SEMA5A: variants seen among roughly 807,000 people sequenced by gnomAD.
SEMA5A encodes semaphorin-5A.
A neutral mutation model predicts 135.5 loss-of-function variants in SEMA5A; 55 were observed. The observed-to-expected ratio is 0.41, with a 90% CI of 0.33 to 0.51. The LOEUF (loss-of-function observed/expected upper bound fraction) is 0.51, where lower values mean the gene tolerates loss of function less well. Ranked by LOEUF, SEMA5A falls within the 20% of genes least tolerant of loss-of-function variation. The pLI is 0.37. For synonymous variants in SEMA5A, 580 were observed against 546.5 expected, an observed-to-expected ratio of 1.06 and a Z score of -0.85; for missense variants, 1,290 against 1,419.9, an observed-to-expected ratio of 0.91 and a Z score of 1.47.
chr5:9,102,074 T>C (rs1358694105), intron 16 of SEMA5A, among the ~76,000 whole-genome samples: 4 of 152,310 alleles, frequency 2.6e-5, no homozygotes, highest in Non-Finnish European at 5.9e-5. Context: ...GGCAGGACTA[T>C]GAATCTCTAG....
intron 1 of SEMA5A, among the ~76,000 whole-genome samples, chr5:9,460,098 A>G (rs1758999719): frequency 1.3e-5 from 2 of 152,334 alleles, no homozygotes; most frequent in South Asian, 4.1e-4. Context: ...CACATCATCT[A>G]CTGTCAAGAT....
chr5:9,342,238 T>TA (rs1753685158), intron 3 of SEMA5A, among the ~76,000 whole-genome samples: 2 of 151,910 alleles, frequency 1.3e-5, no homozygotes, highest in South Asian at 4.2e-4. Flanking sequence ...AAACAAACAA[T>TA]AAAGGGCAGC....
At chr5:9,266,121 G>A (rs1043578834) in intron 5 of SEMA5A, among the ~76,000 whole-genome samples, 1 of 152,318 alleles carries the variant, frequency 6.6e-6, no homozygotes, top group South Asian at 2.1e-4. Context: ...CTGGTGCTAC[G>A]TCTGCCTTGA....
At chr5:9,150,303 C>A (rs940671792) in intron 12 of SEMA5A, among the ~76,000 whole-genome samples, 2 of 152,162 alleles carry the variant, frequency 1.3e-5, no homozygotes, top group Non-Finnish European at 2.9e-5. Context: ...AATGTGAACT[C>A]ACTTTTGCAA....
At chr5:9,517,454 C>T (rs1163576935) in intron 1 of SEMA5A, 1 of 152,166 alleles carries the variant, frequency 6.6e-6, no homozygotes, top group Non-Finnish European at 1.5e-5. Context: ...ACCTCAGAAC[C>T]CCTGGACCAG....
intron 9 of SEMA5A, among the ~76,000 whole-genome samples, chr5:9,199,051 A>G (rs1478533360): frequency 6.6e-6 from 1 of 152,216 alleles, no homozygotes; most frequent in Non-Finnish European, 1.5e-5. Context: ...CACAGGCTGC[A>G]GAGAAATAAA....
intron 1 of SEMA5A, among the ~76,000 whole-genome samples, chr5:9,449,068 T>C (rs1758538884): frequency 6.6e-6 from 1 of 152,196 alleles, no homozygotes; most frequent in African/African-American, 2.4e-5. Flanking sequence ...CATTACTGAG[T>C]ATATACCCAA....
chr5:9,430,850 T>G (rs972220231), intron 2 of SEMA5A, among the ~76,000 whole-genome samples: 7 of 150,674 alleles, frequency 4.6e-5, no homozygotes, highest in African/African-American at 1.7e-4. Flanking sequence ...TGTTTTTTGT[T>G]TTTTTTTTAG....
At chr5:9,270,926 G>C (rs1267678379) in intron 5 of SEMA5A, among the ~76,000 whole-genome samples, 1 of 152,030 alleles carries the variant, frequency 6.6e-6, no homozygotes, top group African/African-American at 2.4e-5. Context: ...GCTAAAAATA[G>C]GTTTTATATT....
chr5:9,117,453 G>A (rs1206999109), intron 15 of SEMA5A, among the ~76,000 whole-genome samples: 2 of 152,172 alleles, frequency 1.3e-5, no homozygotes, highest in African/African-American at 4.8e-5. Flanking sequence ...GAATATTGGT[G>A]TATATATAAT....
chr5:9,306,697 C>A (rs1448235712), intron 5 of SEMA5A, among the ~76,000 whole-genome samples: 1 of 152,166 alleles, frequency 6.6e-6, no homozygotes, highest in Non-Finnish European at 1.5e-5. Context: ...TATCAAACAA[C>A]CCTCACAATA....
At position 9,198,437 on chromosome 5, in the gene SEMA5A, C is replaced by A. The variant is rs192645917; in HGVS notation, c.933-1134G>T. Among the ~76,000 whole-genome samples the A allele has an allele frequency of 4.1e-3, 625 of 152,246 alleles. 4 individuals are homozygous for A. Among genetic ancestry groups the A allele is most frequent in the Non-Finnish European group, 7.1e-3 (481 of 68,026 alleles). On this transcript the variant is annotated intron_variant, in intron 9 of 22. Transcript: ENST00000382496. Reference sequence around the variant, plus strand: ...GAACCTAAGGCTGGCTCCAAATGCCCGGATTTTCCCCAGTATGGCTCCAAA... The same window carrying A: ...GAACCTAAGGCTGGCTCCAAATGCCAGGATTTTCCCCAGTATGGCTCCAAA...
At chr5:9,511,201 A>G (rs1246265606) in intron 1 of SEMA5A, 1 of 152,210 alleles carries the variant, frequency 6.6e-6, no homozygotes, top group Non-Finnish European at 1.5e-5. Context: ...TATATTTACA[A>G]CAGTGCTACA....
chr5:9,414,292 T>A (rs959022761), intron 2 of SEMA5A, among the ~76,000 whole-genome samples: 1 of 152,242 alleles, frequency 6.6e-6, no homozygotes. Context: ...GCATTTAAGA[T>A]CTAGCGATTC....
At chr5:9,185,921 C>T (rs1262989168) in intron 11 of SEMA5A, among the ~76,000 whole-genome samples, 1 of 152,132 alleles carries the variant, frequency 6.6e-6, no homozygotes, top group East Asian at 1.9e-4. Context: ...GCATGTGGGA[C>T]TGCGAGGGAC....
intron 16 of SEMA5A, among the ~76,000 whole-genome samples, chr5:9,089,642 A>G (rs567849928): frequency 6.6e-6 from 1 of 152,322 alleles, no homozygotes; most frequent in South Asian, 2.1e-4. Context: ...GTTGCATTGA[A>G]TTGGCTGTGA....
chr5:9,209,887 G>C (rs905872637), intron 8 of SEMA5A, among the ~76,000 whole-genome samples: 4 of 152,236 alleles, frequency 2.6e-5, no homozygotes, highest in Admixed American at 2.0e-4. Context: ...AAACTGGGAT[G>C]CTTTTAAGAA....
At chr5:9,101,852 G>C (rs1306726495) in intron 16 of SEMA5A, among the ~76,000 whole-genome samples, 1 of 152,100 alleles carries the variant, frequency 6.6e-6, no homozygotes, top group African/African-American at 2.4e-5. Context: ...ATTAAGGGCA[G>C]CAAATAAACT....
intron 3 of SEMA5A, among the ~76,000 whole-genome samples, chr5:9,342,684 C>T (rs539823890): frequency 2.2e-4 from 34 of 152,286 alleles, no homozygotes; most frequent in Admixed American, 1.6e-3. Flanking sequence ...GACAAAATAA[C>T]GCTAACAATA....
Sources: gnomAD v4.1 joint callset for allele counts (sites outside exome capture counted in the v4.1 genomes callset) on GRCh38, gnomAD v4.1.1 for gene constraint, MANE v1.5 for transcripts, NCBI Gene and HGNC (gene_info 2026-07-23, HGNC 2026-07-21) for gene names.